Variants in ZFHX3 observed in about 807,000 individuals in gnomAD.
ZFHX3 encodes zinc finger homeobox protein 3.
ZFHX3 carries 42 observed loss-of-function variants against 279.1 expected under a neutral mutation model. The observed-to-expected ratio is 0.15, with a 90% CI of 0.12 to 0.19. The LOEUF (loss-of-function observed/expected upper bound fraction) is 0.19. Ranked by LOEUF, ZFHX3 falls within the 10% of genes least tolerant of loss-of-function variation. The pLI is 1.00. For missense variants in ZFHX3, 4,981 were observed against 4,754.0 expected (o/e 1.05, Z -1.40); for synonymous variants, 2,293 against 1,957.8 (o/e 1.17, Z -4.52).
At chr16:73,316,669 G>C (rs185866617) in intron 4 of ZFHX3, among the ~76,000 whole-genome samples, 147 of 152,188 alleles carry the variant, frequency 9.7e-4, no homozygotes, top group African/African-American at 3.4e-3. Context: ...CTAGTACTTT[G>C]GTGACCTCAG....
intron 8 of ZFHX3, among the ~76,000 whole-genome samples, chr16:73,086,643 T>G (rs1054350834): frequency 3.3e-5 from 5 of 152,184 alleles, no homozygotes; most frequent in Non-Finnish European, 7.3e-5. Context: ...TGGCTCATAC[T>G]GGTAATTCCA....
At chr16:72,917,694 G>C (rs1183330567) in intron 3 of ZFHX3, among the ~76,000 whole-genome samples, 1 of 152,164 alleles carries the variant, frequency 6.6e-6, no homozygotes. Flanking sequence ...CATCTGTACA[G>C]AAGAGGCCAA....
chr16:73,014,515 C>CTTTTTTTTT (rs1567633191), intron 1 of ZFHX3: 1 of 95,344 alleles, frequency 1.0e-5, no homozygotes, highest in Non-Finnish European at 2.2e-5. Context: ...GTAATTTCTT[C>CTTTTTTTTT]TTCTTTTTTT....
At chr16:73,412,478 C>T (rs1159244946) in intron 3 of ZFHX3, among the ~76,000 whole-genome samples, 1 of 150,776 alleles carries the variant, frequency 6.6e-6, no homozygotes, top group Admixed American at 6.6e-5. Flanking sequence ...TTTGTGCTTC[C>T]CTCATTCTTG....
chr16:73,195,935 A>G (rs973860393), intron 5 of ZFHX3, among the ~76,000 whole-genome samples: 2 of 152,166 alleles, frequency 1.3e-5, no homozygotes, highest in African/African-American at 4.8e-5. Flanking sequence ...AGCAACCACT[A>G]GTTACCATCT....
At chr16:73,461,455 T>C (rs1468312162) in intron 2 of ZFHX3, among the ~76,000 whole-genome samples, 1 of 152,216 alleles carries the variant, frequency 6.6e-6, no homozygotes, top group South Asian at 2.1e-4. Flanking sequence ...GTCCAACAAA[T>C]CTTTTGTAGT....
intron 5 of ZFHX3, among the ~76,000 whole-genome samples, chr16:73,208,552 TA>T (rs1434303032): frequency 6.6e-6 from 1 of 152,250 alleles, no homozygotes; most frequent in Non-Finnish European, 1.5e-5. Flanking sequence ...TAAGGAAATT[TA>T]AACAAAATGA....
At chr16:73,178,959 G>A (rs1393627547) in intron 5 of ZFHX3, among the ~76,000 whole-genome samples, 1 of 152,192 alleles carries the variant, frequency 6.6e-6, no homozygotes, top group Non-Finnish European at 1.5e-5. Flanking sequence ...GGGATACAAT[G>A]ATGAAAATTG....
At chr16:72,874,300 G>A (rs529045714) in intron 4 of ZFHX3, among the ~76,000 whole-genome samples, 36 of 141,248 alleles carry the variant, frequency 2.5e-4, no homozygotes, top group Non-Finnish European at 2.7e-4. Flanking sequence ...TCCGCCTCCC[G>A]GGTTCACGCC....
intron 1 of ZFHX3, among the ~76,000 whole-genome samples, chr16:73,721,554 G>T (rs900289768): frequency 2.0e-5 from 3 of 152,132 alleles, no homozygotes; most frequent in Admixed American, 2.0e-4. Context: ...ATCCTAACTG[G>T]ACTGTGAAGC....
rs1187489542 is a variant in ZFHX3, at chr16:73,261,668, G to GTTT, written c.-1193-4535_-1193-4533dup. On this transcript the variant is annotated intron_variant, in intron 4 of 17. Coordinates refer to the ZFHX3 transcript ENST00000641206. Reference sequence around the variant, plus strand: ...TATAAATATAAACATTCCTGTGATTGTTTTTTTTTTTTTTTTTTTTTTTTA... The same window carrying GTTT: ...TATAAATATAAACATTCCTGTGATTGTTTTTTTTTTTTTTTTTTTTTTTTTTTA... Among the ~76,000 whole-genome samples the GTTT allele has an allele frequency of 5.9e-3, 474 of 80,676 alleles. 35 individuals are homozygous for GTTT. Among genetic ancestry groups the GTTT allele is most frequent in the African/African-American group, 0.021 (433 of 21,042 alleles). The allele number at this position is 80,676 out of a possible 152,430, so 52.9% of individuals were successfully genotyped here. A position where few individuals can be genotyped will look rare whatever the true frequency, so the allele number is the denominator to read the frequency against.
chr16:73,662,495 T>C (rs113950448), intron 2 of ZFHX3, among the ~76,000 whole-genome samples: 3 of 25,714 alleles, frequency 1.2e-4, no homozygotes, highest in Non-Finnish European at 2.7e-4. Context: ...CATACCCCCC[T>C]AGGATGATGT....
chr16:73,753,534 G>A (rs1383983062), intron 1 of ZFHX3, among the ~76,000 whole-genome samples: 3 of 152,128 alleles, frequency 2.0e-5, no homozygotes, highest in South Asian at 4.2e-4. Flanking sequence ...GGTTTAAGTG[G>A]GTATAAATAC....
intron 8 of ZFHX3, chr16:73,093,097 C>G (rs1353033295): frequency 7.7e-6 from 4 of 519,944 alleles, no homozygotes; most frequent in Non-Finnish European, 1.2e-5. Context: ...CTTCATTCTT[C>G]AGCAATGGAT....
intron 1 of ZFHX3, among the ~76,000 whole-genome samples, chr16:73,033,627 G>A (rs774426414): frequency 2.0e-5 from 3 of 152,118 alleles, no homozygotes; most frequent in East Asian, 3.9e-4. Flanking sequence ...AGAGGCCAGC[G>A]CCGGGGCCCC....
intron 3 of ZFHX3, among the ~76,000 whole-genome samples, chr16:72,933,404 G>A (rs1229503931): frequency 6.6e-6 from 1 of 151,990 alleles, no homozygotes; most frequent in Non-Finnish European, 1.5e-5. Context: ...AGAGAGGAGA[G>A]AACATTTCAC....
chr16:73,537,137 T>G (rs2019915938), intron 2 of ZFHX3, among the ~76,000 whole-genome samples: 2 of 152,100 alleles, frequency 1.3e-5, no homozygotes, highest in South Asian at 4.1e-4. Context: ...ACACAGAGTA[T>G]CCAAGCCCTA....
intron 8 of ZFHX3, chr16:73,092,859 G>A (rs977575596): frequency 7.9e-6 from 4 of 507,830 alleles, no homozygotes; most frequent in Non-Finnish European, 1.2e-5. Flanking sequence ...GAGTTTAATA[G>A]GGACAACAGT....
chr16:73,345,052 T>C (rs1332928159), intron 3 of ZFHX3, among the ~76,000 whole-genome samples: 1 of 152,152 alleles, frequency 6.6e-6, no homozygotes, highest in Non-Finnish European at 1.5e-5. Flanking sequence ...TTCTCAGCCT[T>C]ACTCAGCTTA....
Sources: gnomAD v4.1 joint callset for allele counts (sites outside exome capture counted in the v4.1 genomes callset) on GRCh38, gnomAD v4.1.1 for gene constraint, MANE v1.5 for transcripts, NCBI Gene and HGNC (gene_info 2026-07-23, HGNC 2026-07-21) for gene names.